The following RANBP2 variants were observed in gnomAD, a reference collection of about 807,000 sequenced individuals.
RANBP2 encodes the protein RAN binding protein 2.
RANBP2 carries 57 observed loss-of-function variants against 303.6 expected under a neutral mutation model. The ratio of observed to expected loss-of-function variants is 0.19; its 90% CI spans 0.15 to 0.23. The LOEUF (loss-of-function observed/expected upper bound fraction) is 0.23. Ranked by LOEUF, RANBP2 falls within the 10% of genes least tolerant of loss-of-function variation. The probability of loss-of-function intolerance (pLI) is 1.00; values close to 1 mark genes in which losing one functional copy is unlikely to be tolerated. For missense variants in RANBP2, 3,138 were observed against 3,780.8 expected (o/e 0.83, Z 4.46); for synonymous variants, 1,167 against 1,301.5 (o/e 0.90, Z 2.23).
chr2:109,564,226 T>C, the RANBP2 span: 1 of 719,836 alleles, frequency 1.4e-6, no homozygotes, highest in Non-Finnish European at 2.0e-6. Context: ...AGAAGCACAA[T>C]AATTAGTCAT....
At chr2:109,669,613 T>C in the RANBP2 span, among the ~76,000 whole-genome samples, 80 of 152,316 alleles carry the variant, frequency 5.3e-4, no homozygotes, top group African/African-American at 1.9e-3. Context: ...GAACGGCCAC[T>C]ATGAACACCT....
the RANBP2 span, among the ~76,000 whole-genome samples, chr2:109,386,397 A>G: frequency 3.3e-5 from 5 of 152,016 alleles, no homozygotes; most frequent in African/African-American, 1.2e-4. Flanking sequence ...GGGGGCCGCT[A>G]TGACTGTTAC....
the RANBP2 span, among the ~76,000 whole-genome samples, chr2:109,658,648 C>T: frequency 6.6e-6 from 1 of 152,240 alleles, no homozygotes; most frequent in East Asian, 1.9e-4. Flanking sequence ...AAACTCTGGC[C>T]AGGCACAGTA....
chr2:109,293,155 C>A, the RANBP2 span, among the ~76,000 whole-genome samples: 1 of 152,220 alleles, frequency 6.6e-6, no homozygotes, highest in Non-Finnish European at 1.5e-5. Flanking sequence ...GGACAGAGCT[C>A]CGCAGGCAGT....
At chr2:109,487,905 A>C in the RANBP2 span, among the ~76,000 whole-genome samples, 1 of 150,326 alleles carries the variant, frequency 6.7e-6, no homozygotes, top group South Asian at 2.1e-4. Flanking sequence ...AGTGAACAAA[A>C]CAAACACGAC....
the RANBP2 span, among the ~76,000 whole-genome samples, chr2:109,164,062 A>T: frequency 6.6e-6 from 1 of 152,152 alleles, no homozygotes; most frequent in Non-Finnish European, 1.5e-5. Flanking sequence ...TTTGCTTCTA[A>T]GGTGAACCCC....
At chr2:108,885,715 TACTG>T in the RANBP2 span, among the ~76,000 whole-genome samples, 2 of 152,158 alleles carry the variant, frequency 1.3e-5, no homozygotes, top group Admixed American at 6.5e-5. Context: ...CCTTCTAACT[TACTG>T]TATGTTTGTA....
the RANBP2 span, chr2:109,544,453 A>C: frequency 7.2e-7 from 1 of 1,397,004 alleles, no homozygotes; most frequent in Non-Finnish European, 9.2e-7. Flanking sequence ...AAAAAACCAA[A>C]AACACCAAAC....
chr2:108,841,438 T>A, the RANBP2 span, among the ~76,000 whole-genome samples: 1 of 152,194 alleles, frequency 6.6e-6, no homozygotes, highest in Non-Finnish European at 1.5e-5. Flanking sequence ...TGTAACTGTG[T>A]TCTTGTAAAT....
At chr2:108,999,609 T>TG in the RANBP2 span, among the ~76,000 whole-genome samples, 1 of 152,162 alleles carries the variant, frequency 6.6e-6, no homozygotes, top group African/African-American at 2.4e-5. Context: ...CGACGCCACA[T>TG]GGAGATTCCT....
At chr2:109,187,747 A>G in the RANBP2 span, among the ~76,000 whole-genome samples, 1 of 152,164 alleles carries the variant, frequency 6.6e-6, no homozygotes, top group Non-Finnish European at 1.5e-5. Context: ...GACTGTGTAT[A>G]TATGTCTGTA....
At chr2:108,846,953 G>T in the RANBP2 span, 1 of 1,309,092 alleles carries the variant, frequency 7.6e-7, no homozygotes, top group South Asian at 1.2e-5. Flanking sequence ...TTGTACTTAT[G>T]GTTAATTTTG....
chr2:109,403,221 G>A, the RANBP2 span, among the ~76,000 whole-genome samples: 2 of 152,342 alleles, frequency 1.3e-5, no homozygotes, highest in East Asian at 3.9e-4. Flanking sequence ...TGAGAGCCGC[G>A]CACTGTCCGA....
At chr2:109,331,653 G>A in the RANBP2 span, among the ~76,000 whole-genome samples, 1 of 152,100 alleles carries the variant, frequency 6.6e-6, no homozygotes, top group East Asian at 1.9e-4. Context: ...CTTATAAAGT[G>A]TATGCTCCCT....
the RANBP2 span, among the ~76,000 whole-genome samples, chr2:109,003,445 T>C: frequency 1.3e-5 from 2 of 151,764 alleles, no homozygotes; most frequent in Non-Finnish European, 2.9e-5. Context: ...AGTTTCTCTC[T>C]TGTTGCCCAG....
At chr2:109,339,199 A>G in the RANBP2 span, among the ~76,000 whole-genome samples, 1 of 150,626 alleles carries the variant, frequency 6.6e-6, no homozygotes. Context: ...CACACTCGGT[A>G]TAACTTTTAT....
At chr2:109,532,462 G>T in the RANBP2 span, among the ~76,000 whole-genome samples, 2 of 152,146 alleles carry the variant, frequency 1.3e-5, no homozygotes, top group Non-Finnish European at 2.9e-5. Flanking sequence ...TGGCAGTGGG[G>T]GCCTAGAAGC....
chr2:109,519,022 GAT>G, the RANBP2 span, among the ~76,000 whole-genome samples: 1 of 149,704 alleles, frequency 6.7e-6, no homozygotes, highest in Admixed American at 6.7e-5. Context: ...GGGTTCAAGT[GAT>G]TCTCCTGCCT....
the RANBP2 span, among the ~76,000 whole-genome samples, chr2:108,951,795 C>T: frequency 1.3e-5 from 2 of 152,124 alleles, no homozygotes; most frequent in African/African-American, 2.4e-5. Flanking sequence ...AACACTATAT[C>T]AGAACCAATG....
Sources: gnomAD v4.1 joint callset for allele counts (sites outside exome capture counted in the v4.1 genomes callset) on GRCh38, gnomAD v4.1.1 for gene constraint, MANE v1.5 for transcripts, NCBI Gene and HGNC (gene_info 2026-07-23, HGNC 2026-07-21) for gene names.